The following MYLK variants were observed in gnomAD, a reference collection of about 807,000 sequenced individuals.
MYLK encodes myosin light chain kinase, also known as myosin light chain kinase, smooth muscle.
A neutral mutation model predicts 203.4 loss-of-function variants in MYLK; 106 were observed. The observed-to-expected ratio is 0.52, with a 90% confidence interval of 0.45 to 0.61. The LOEUF (loss-of-function observed/expected upper bound fraction) is 0.61, where lower values mean the gene tolerates loss of function less well. MYLK is among the 20% of genes least tolerant of loss of function. The probability of loss-of-function intolerance (pLI) is 0.00; values close to 1 mark genes in which losing one functional copy is unlikely to be tolerated. For synonymous variants in MYLK, 867 were observed against 959.5 expected (o/e 0.90, Z 1.78); for missense variants, 2,072 against 2,442.3 (o/e 0.85, Z 3.20).
At chr3:123,701,378 G>A in intron 17 of MYLK, 60 bp downstream of exon 17, 5 of 1,553,314 alleles carry the variant, frequency 3.2e-6, no homozygotes, top group South Asian at 1.1e-5. Context: ...AGCTGCCGGG[G>A]CCAGGAGGAA....
At chr3:123,628,280 AAT>A (rs1056667186) in intron 30 of MYLK, among the ~76,000 whole-genome samples, 4 of 152,192 alleles carry the variant, frequency 2.6e-5, no homozygotes, top group Non-Finnish European at 5.9e-5. Context: ...GAGACACTCC[AAT>A]ATTGCTCCTT....
At position 123,733,236 on chromosome 3, in the gene MYLK, T is replaced by G. The variant is rs1045166235; in HGVS notation, c.1310-134A>C. 51 of 987,918 alleles carry G rather than the reference T, an allele frequency of 5.2e-5. No homozygotes were observed. The South Asian group carries it at 6.9e-4, about 13-fold the overall frequency. 61.2% of individuals were successfully genotyped at this position (987,918 alleles called of 1,614,324 possible). ...GGAGCTGCCCTCCCACCTCTGAGTC[T>G]GCTTCCTCACCCTCAACCACACTCC... On this transcript the variant is annotated intron_variant, in intron 10 of 33. Transcript: ENST00000360304.
chr3:123,764,574 T>G (rs1166639623), intron 4 of MYLK, among the ~76,000 whole-genome samples: 1 of 152,194 alleles, frequency 6.6e-6, no homozygotes, highest in African/African-American at 2.4e-5. Context: ...TTCCACATGC[T>G]GACTTTCACT....
At chr3:123,740,428 T>C (rs1197841184) in intron 5 of MYLK, among the ~76,000 whole-genome samples, 5 of 152,174 alleles carry the variant, frequency 3.3e-5, no homozygotes, top group African/African-American at 1.2e-4. Flanking sequence ...ATTTTCTCAG[T>C]TAAAGGGAGG....
At chr3:123,742,182 C>T (rs1274449164) in intron 5 of MYLK, among the ~76,000 whole-genome samples, 1 of 152,182 alleles carries the variant, frequency 6.6e-6, no homozygotes, top group African/African-American at 2.4e-5. Context: ...AGTCCCATAG[C>T]TTTAAATATC....
At chr3:123,654,529 C>T (rs896202372) in intron 24 of MYLK, among the ~76,000 whole-genome samples, 2 of 152,020 alleles carry the variant, frequency 1.3e-5, no homozygotes, top group African/African-American at 4.8e-5. Context: ...TACATTCTCA[C>T]CTACTGATCA....
intron 2 of MYLK, among the ~76,000 whole-genome samples, chr3:123,843,984 C>T (rs1436265259): frequency 6.6e-6 from 1 of 152,154 alleles, no homozygotes; most frequent in Admixed American, 6.6e-5. Flanking sequence ...TCCTTGGAGA[C>T]CTCTCTTAAA....
intron 3 of MYLK, among the ~76,000 whole-genome samples, chr3:123,812,325 T>C (rs2065589865): frequency 6.6e-6 from 1 of 152,204 alleles, no homozygotes; most frequent in South Asian, 2.1e-4. Flanking sequence ...TGCTTACACC[T>C]GTTTCAGTTT....
chr3:123,811,738 G>C (rs752130225), intron 3 of MYLK, among the ~76,000 whole-genome samples: 4 of 152,128 alleles, frequency 2.6e-5, no homozygotes, highest in Admixed American at 6.5e-5. Context: ...GTAAAGCTTT[G>C]AAACGGCAAT....
At position 123,629,999 on chromosome 3, in the gene MYLK, C is replaced by G. The variant is rs2058343750; in HGVS notation, c.4962-373G>C. On this transcript the variant is annotated intron_variant, in intron 29 of 33. Transcript: ENST00000360304. The surrounding 1 kb of genome is among the most constrained non-coding windows in gnomAD (Gnocchi z 4.4). ...GCCCCTTCCTCCCGTGCTCCTGCCC[C>G]CTCTCTGTGGACTGGGCACATGGTA... 3.9e-5 allele frequency among the ~76,000 whole-genome samples: 6 copies of G among 152,194 alleles called. 1 individual carries two copies. The South Asian group carries it at 1.2e-3, about 32-fold the overall frequency.
At chr3:123,756,782 G>A (rs533244953) in intron 4 of MYLK, among the ~76,000 whole-genome samples, 2 of 152,324 alleles carry the variant, frequency 1.3e-5, no homozygotes, top group Admixed American at 6.5e-5. Flanking sequence ...ACTCTAAGGA[G>A]AGAATCGCAT....
chr3:123,817,908 T>C (rs2065801072), intron 3 of MYLK, among the ~76,000 whole-genome samples: 1 of 152,144 alleles, frequency 6.6e-6, no homozygotes, highest in Non-Finnish European at 1.5e-5. Context: ...ACAGGGGGCA[T>C]GGCAGGGGAA....
At position 123,682,396 on chromosome 3, in the gene MYLK, C is replaced by A. The variant is rs192261778; in HGVS notation, c.3566-86G>T. 26 of 1,076,666 alleles carry A rather than the reference C, an allele frequency of 2.4e-5. No individual in the cohort carries two copies. The East Asian group carries it at 5.7e-4, about 24-fold the overall frequency. 66.7% of individuals were successfully genotyped at this position (1,076,666 alleles called of 1,614,324 possible). On this transcript the variant is annotated intron_variant, in intron 19 of 33. Transcript: ENST00000360304. ...CTCTCAGTCAAAATCCCACCTCAGC[C>A]AAACTCCTCCCCAACTCTGAGGGCC... is the stretch of plus-strand genomic sequence containing the variant.
chr3:123,734,987 C>G (rs75739265), intron 9 of MYLK: 1 of 319,424 alleles, frequency 3.1e-6, no homozygotes. Context: ...CCCTCCTCTA[C>G]GCCCACCCCT....
At chr3:123,790,166 C>T (rs960660661) in intron 4 of MYLK, among the ~76,000 whole-genome samples, 1 of 152,150 alleles carries the variant, frequency 6.6e-6, no homozygotes. Flanking sequence ...AATCTGGCTG[C>T]CCAAGCACCA....
chr3:123,713,195 C>A (rs72970833), intron 13 of MYLK, among the ~76,000 whole-genome samples: 1 of 152,068 alleles, frequency 6.6e-6, no homozygotes, highest in Admixed American at 6.5e-5. Context: ...CAAAGCCCTA[C>A]AGCAAGAAAG....
chr3:123,722,099 C>T (rs2062109956), intron 13 of MYLK, 29 bp downstream of exon 13: 3 of 1,556,344 alleles, frequency 1.9e-6, no homozygotes, highest in African/African-American at 1.4e-5. Context: ...AGGAAAGGTG[C>T]TTCTACCCAG....
chr3:123,746,022 T>C (rs1340365166), intron 5 of MYLK, among the ~76,000 whole-genome samples: 1 of 151,920 alleles, frequency 6.6e-6, no homozygotes, highest in Non-Finnish European at 1.5e-5. Context: ...CACATATGGC[T>C]AATTTTTATG....
Position 123,629,565 on chromosome 3 carries a change from A to C in MYLK, c.5023T>G (p.Ser1675Ala). ...NDNETLANVT[S>A]ATWDFDDEAF... is the part of the protein sequence containing the mutation. The stretch of plus-strand genomic sequence containing the variant: ...TCGTCGTCGAAGTCCCAGGTGGCTG[A>C]GGTAACGTTGGCCAAGGTTTCGTTA... Residue 1675 changes from serine to alanine, a missense_variant, in exon 30 of 34, where the codon TCA becomes GCA. Ser to Ala is a moderately conservative substitution (Grantham distance 99). Around this residue, in one of 3 missense-constraint regions of MYLK, gnomAD observed 524 missense variants for 782.4 expected, o/e 0.67. Coordinates refer to ENST00000360304, the MANE Select transcript of MYLK (RefSeq NM_053025.4). This position sits in a 1 kb window ranked among gnomAD's most constrained non-coding sequence, Gnocchi z 4.4. 6.2e-7 allele frequency: 1 copy of C among 1,614,210 alleles called. No individual in the cohort carries two copies. Among genetic ancestry groups the C allele is most frequent in the South Asian group, 1.1e-5 (1 of 91,080 alleles).
Sources: gnomAD v4.1 joint callset for allele counts (sites outside exome capture counted in the v4.1 genomes callset) on GRCh38, gnomAD v4.1.1 for gene constraint, gnomAD v4.1.1 regional missense constraint, Gnocchi (gnomAD v3.1) non-coding constraint, MANE v1.5 for transcripts, NCBI Gene and HGNC (gene_info 2026-07-23, HGNC 2026-07-21) for gene names.